MOGAT2: variants seen among roughly 807,000 people sequenced by gnomAD.
MOGAT2 encodes monoacylglycerol O-acyltransferase 2.
Under a neutral mutation model 31.5 loss-of-function variants are expected in MOGAT2, and 27 were observed. That is an observed-to-expected ratio of 0.86 (90% confidence interval 0.63 to 1.18). The LOEUF is 1.18. Among genes scored for constraint, MOGAT2 ranks in the 50% most tolerant of loss-of-function variants. MOGAT2 has a pLI of 0.00. For missense variants in MOGAT2, 436 were observed against 433.2 expected, an observed-to-expected ratio of 1.01 and a Z score of -0.06; for synonymous variants, 163 against 170.0, an observed-to-expected ratio of 0.96 and a Z score of 0.32.
intron 2 of MOGAT2, among the ~76,000 whole-genome samples, chr11:75,723,179 C>A (rs1391703384): frequency 6.6e-6 from 1 of 152,064 alleles, no homozygotes; most frequent in East Asian, 1.9e-4. Flanking sequence ...CCAGGCTGGT[C>A]TCGAACTCCT....
At chr11:75,723,384 T>C (rs574782228) in intron 2 of MOGAT2, among the ~76,000 whole-genome samples, 21 of 152,314 alleles carry the variant, frequency 1.4e-4, no homozygotes, top group Non-Finnish European at 2.4e-4. Flanking sequence ...ATTTTGACTA[T>C]GTCCTAAGCT....
chr11:75,723,085 C>T (rs527724334), intron 2 of MOGAT2, among the ~76,000 whole-genome samples: 1 of 152,256 alleles, frequency 6.6e-6, no homozygotes, highest in East Asian at 1.9e-4. Context: ...CCTCAGCCTC[C>T]TGAGTAGCTG....
intron 2 of MOGAT2, among the ~76,000 whole-genome samples, chr11:75,720,444 G>C (rs1268538662): frequency 6.6e-6 from 1 of 152,182 alleles, no homozygotes; most frequent in Non-Finnish European, 1.5e-5. Flanking sequence ...TATGGTGTGA[G>C]GCATGCCTAT....
At chr11:75,726,326 C>T (rs1179316395) in intron 2 of MOGAT2, among the ~76,000 whole-genome samples, 2 of 152,188 alleles carry the variant, frequency 1.3e-5, no homozygotes, top group East Asian at 3.9e-4. Context: ...CAACAGGACT[C>T]GCTCCTCAGA....
chr11:75,723,691 A>G (rs548092363), intron 2 of MOGAT2, among the ~76,000 whole-genome samples: 11 of 152,262 alleles, frequency 7.2e-5, no homozygotes, highest in African/African-American at 2.6e-4. Flanking sequence ...CACCTATCCC[A>G]CACCTTTTAA....
Position 75,717,882 on chromosome 11 carries a change from C to CG in MOGAT2, c.-6dup. On this transcript the variant is annotated 5_prime_UTR_variant, in exon 1 of 6. Coordinates refer to ENST00000198801, the MANE Select transcript of MOGAT2 (RefSeq NM_025098.4). ...AGAACCTGCGGGAGCCAGGCTGACCCGCCAGCATGGTAGAGTTCGCGCCCT... is the reference window on the plus strand; with the variant it reads ...AGAACCTGCGGGAGCCAGGCTGACCCGGCCAGCATGGTAGAGTTCGCGCCCT... The CG allele has an allele frequency of 6.2e-7, 1 of 1,613,788 alleles. No homozygotes were observed. The highest frequency in any genetic ancestry group is 1.7e-5 in the Admixed American group (1 of 59,996).
chr11:75,722,605 G>A (rs1223453994), intron 2 of MOGAT2, among the ~76,000 whole-genome samples: 1 of 152,256 alleles, frequency 6.6e-6, no homozygotes, highest in East Asian at 1.9e-4. Flanking sequence ...GCAGAAGGCA[G>A]GCCTGCAGAG....
At chr11:75,730,966 T>G in intron 5 of MOGAT2, 166 bp from the exon 6 acceptor site, 133 of 417,998 alleles carry the variant, frequency 3.2e-4, no homozygotes, top group Middle Eastern at 6.4e-4. Context: ...ATCCAGCCGT[T>G]GTTATTATAT....
intron 3 of MOGAT2, 23 bp downstream of exon 3, chr11:75,727,662 A>C (rs776817929): frequency 1.3e-6 from 2 of 1,593,112 alleles, no homozygotes; most frequent in South Asian, 2.2e-5. Context: ...ACCCCTGAGC[A>C]GCTCAGGAAG....
At position 75,720,124 on chromosome 11, in the gene MOGAT2, G is replaced by C; in HGVS notation, c.224G>C (p.Arg75Thr). ...GGGGGCCGGCACATCCAGGCCATCA[G>C]GTGCTGGACTATATGGAAGTACATG... Reference protein sequence around the residue: ...RQGGRHIQAIRCWTIWKYMKD... With the variant: ...RQGGRHIQAITCWTIWKYMKD... Residue 75 changes from arginine to threonine, a missense_variant, in exon 2 of 6, where the codon AGG becomes ACG. Arg to Thr is a moderately conservative substitution (Grantham distance 71, BLOSUM62 -1). Coordinates refer to ENST00000198801, the MANE Select transcript of MOGAT2 (RefSeq NM_025098.4). 1 of 1,614,128 alleles carries C rather than the reference G, an allele frequency of 6.2e-7. No homozygotes were observed. The highest frequency in any genetic ancestry group is 8.5e-7 in the Non-Finnish European group (1 of 1,180,020).
intron 1 of MOGAT2, chr11:75,719,318 A>G (rs1944356811): frequency 6.6e-6 from 1 of 152,268 alleles, no homozygotes; most frequent in Admixed American, 6.5e-5. Context: ...CCTTTCAACA[A>G]CAAACGTCAC....
chr11:75,727,886 C>A, intron 3 of MOGAT2, 84 bp from the exon 4 acceptor site: 1 of 1,389,942 alleles, frequency 7.2e-7, no homozygotes, highest in Non-Finnish European at 9.8e-7. Context: ...GTAGGCATTG[C>A]TGGTGATCTC....
intron 5 of MOGAT2, chr11:75,730,902 G>A (rs182264010): frequency 0.013 from 4,324 of 327,904 alleles, 52 homozygotes; most frequent in Non-Finnish European, 0.018. Flanking sequence ...GCTACAGAGC[G>A]AGACTCTACC....
chr11:75,727,964 C>T lies in MOGAT2; in HGVS notation c.476-6C>T. 6.2e-7 allele frequency: 1 copy of T among 1,600,456 alleles called. No homozygotes were observed. The highest frequency in any genetic ancestry group is 1.1e-5 in the South Asian group (1 of 89,296). Reference sequence around the variant, plus strand: ...CCATACCTGACCCACTTTTCTCTTTCCCTAGGGTTGGTCACATCAGAAAAG... The same window carrying T: ...CCATACCTGACCCACTTTTCTCTTTTCCTAGGGTTGGTCACATCAGAAAAG... On this transcript the variant is annotated splice_region_variant and splice_polypyrimidine_tract_variant and intron_variant, in intron 3 of 5. Transcript: ENST00000198801.
chr11:75,720,040 G>T lies in MOGAT2; in HGVS notation c.140G>T (p.Trp47Leu), dbSNP rs1944363451. The T allele has an allele frequency of 2.5e-6, 4 of 1,614,042 alleles. No individual in the cohort carries two copies. Among genetic ancestry groups the T allele is most frequent in the Non-Finnish European group, 3.4e-6 (4 of 1,180,054 alleles). ...GFIALLFTRFWLLTVLYAAWW... is the reference protein window; with the variant it reads ...GFIALLFTRFLLLTVLYAAWW... ...ATAGCCCTCCTGTTTACAAGATTCT[G>T]GCTCCTCACTGTCCTGTATGCGGCC... The change falls in exon 2 of 6, where the codon TGG becomes TTG. Residue 47 changes from tryptophan to leucine, a missense_variant. Trp to Leu is a moderately conservative substitution (Grantham distance 61). Transcript: ENST00000198801.
chr11:75,730,891 G>A (rs549638797), intron 5 of MOGAT2: 23 of 303,862 alleles, frequency 7.6e-5, no homozygotes, highest in African/African-American at 5.3e-4. Flanking sequence ...CTCCAGCCTG[G>A]GCTACAGAGC....
Position 75,719,987 on chromosome 11 carries a change from C to T in MOGAT2, c.92-5C>T, listed in dbSNP as rs200089971. On this transcript the variant is annotated splice_polypyrimidine_tract_variant and splice_region_variant and intron_variant, in intron 1 of 5. Transcript: ENST00000198801. ...GTCCCTGACAGCTCCTTCTTCCCTC[C>T]CCAGCCGAGATCTGCACTGTGGGCT... The T allele has an allele frequency of 6.3e-7, 1 of 1,577,886 alleles. No individual in the cohort carries two copies. Among genetic ancestry groups the T allele is most frequent in the Non-Finnish European group, 8.6e-7 (1 of 1,164,070 alleles).
Position 75,727,539 on chromosome 11 carries a change from C to A in MOGAT2, c.375C>A (p.Ser125Arg), listed in dbSNP as rs1944431991. 1.2e-6 allele frequency: 2 copies of A among 1,614,198 alleles called. No individual in the cohort carries two copies. Among genetic ancestry groups the A allele is most frequent in the Non-Finnish European group, 1.7e-6 (2 of 1,180,020 alleles). ...VGAFANLCTE[S>R]TGFSSIFPGI... The stretch of plus-strand genomic sequence containing the variant: ...CCTTTGCCAACCTGTGCACTGAGAG[C>A]ACAGGCTTCTCTTCGATCTTCCCCG... Residue 125 changes from serine (S) to arginine (R), a missense_variant, in exon 3 of 6, where the codon AGC becomes AGA. Transcript: ENST00000198801.
At chr11:75,724,071 G>A (rs1382327592) in intron 2 of MOGAT2, among the ~76,000 whole-genome samples, 1 of 152,220 alleles carries the variant, frequency 6.6e-6, no homozygotes, top group Non-Finnish European at 1.5e-5. Context: ...AGGGGACAGG[G>A]GCTTGGCAAT....
Sources: gnomAD v4.1 joint callset for allele counts (sites outside exome capture counted in the v4.1 genomes callset) on GRCh38, gnomAD v4.1.1 for gene constraint, MANE v1.5 for transcripts, NCBI Gene and HGNC (gene_info 2026-07-23, HGNC 2026-07-21) for gene names.